AHR: variants seen among roughly 807,000 people sequenced by gnomAD.
AHR encodes the protein aryl hydrocarbon receptor.
Under a neutral mutation model 86.8 loss-of-function variants are expected in AHR, and 40 were observed. That is an observed-to-expected ratio of 0.46 (90% confidence interval 0.36 to 0.60). The LOEUF is 0.60. Among genes scored for constraint, AHR ranks in the 20% least tolerant of loss-of-function variants. The probability of loss-of-function intolerance (pLI) is 0.00; values close to 1 mark genes in which losing one functional copy is unlikely to be tolerated. For missense variants in AHR, 1,001 were observed against 1,011.6 expected (o/e 0.99, Z 0.14); for synonymous variants, 398 against 354.9 (o/e 1.12, Z -1.37).
At chr7:17,310,879 T>TA in intron 2 of AHR, among the ~76,000 whole-genome samples, 1 of 152,286 alleles carries the variant, frequency 6.6e-6, no homozygotes, top group South Asian at 2.1e-4. Context: ...CTGCAAGAAA[T>TA]ATAATTAAAA....
At chr7:17,301,317 T>C (rs1207844766) in intron 1 of AHR, among the ~76,000 whole-genome samples, 1 of 152,092 alleles carries the variant, frequency 6.6e-6, no homozygotes, top group Non-Finnish European at 1.5e-5. Context: ...TTAATCAAAG[T>C]TTATTTTAGA....
chr7:17,314,086 A>G (rs989803469), intron 2 of AHR, among the ~76,000 whole-genome samples: 1 of 152,088 alleles, frequency 6.6e-6, no homozygotes, highest in Non-Finnish European at 1.5e-5. Context: ...GTTTTTATAC[A>G]GCTGCCCCAA....
chr7:17,341,036 T>A (rs1429701894), intron 10 of AHR, among the ~76,000 whole-genome samples: 1 of 152,108 alleles, frequency 6.6e-6, no homozygotes, highest in Non-Finnish European at 1.5e-5. Context: ...CAGGAATACA[T>A]CATGTTTGCA....
At position 17,340,174 on chromosome 7, in the gene AHR, G is replaced by A; in HGVS notation, c.2349G>A (p.Val783=). 1 of 1,614,154 alleles carries A rather than the reference G, an allele frequency of 6.2e-7. No homozygotes were observed. Among genetic ancestry groups the A allele is most frequent in the Non-Finnish European group, 8.5e-7 (1 of 1,180,028 alleles). Residue 783 remains valine, a synonymous_variant, in exon 10 of 11, where the codon GTG becomes GTA. Coordinates refer to ENST00000242057, the MANE Select transcript of AHR (RefSeq NM_001621.5). The stretch of plus-strand genomic sequence containing the variant: ...AGCCAGAACCTCAGCACACCCACGT[G>A]GGTCAGATGCAGTACAATCCAGTAC... ...QCQPEPQHTH[V]GQMQYNPVLP...
At chr7:17,313,597 A>G (rs112667593) in intron 2 of AHR, among the ~76,000 whole-genome samples, 1 of 152,198 alleles carries the variant, frequency 6.6e-6, no homozygotes, top group Non-Finnish European at 1.5e-5. Flanking sequence ...AAGCAACACT[A>G]TAAAGTTTTA....
chr7:17,302,438 C>T (rs1584027662), intron 1 of AHR, among the ~76,000 whole-genome samples: 2 of 151,934 alleles, frequency 1.3e-5, no homozygotes, highest in African/African-American at 4.8e-5. Context: ...TTACATAATA[C>T]TCATTAAATG....
intron 9 of AHR, among the ~76,000 whole-genome samples, chr7:17,338,158 C>A (rs1782375404): frequency 6.8e-6 from 1 of 147,082 alleles, no homozygotes. Flanking sequence ...GAGATCGCGC[C>A]ACTGCACTCC....
chr7:17,339,190 C>T lies in AHR; in HGVS notation c.1365C>T (p.Ser455=). 6.2e-7 allele frequency: 1 copy of T among 1,614,170 alleles called. No individual in the cohort carries two copies. The highest frequency in any genetic ancestry group is 8.5e-7 in the Non-Finnish European group (1 of 1,180,026). Residue 455 remains serine (S), a synonymous_variant, in exon 10 of 11, where the codon TCC becomes TCT. Transcript: ENST00000242057. Reference sequence around the variant, plus strand: ...GCAAGGACTCTCTCAATCCTAGTTCCCTCCTGGCTGCCATGATGCAACAAG... The same window carrying T: ...GCAAGGACTCTCTCAATCCTAGTTCTCTCCTGGCTGCCATGATGCAACAAG... The part of the protein sequence containing the change: ...TLSKDSLNPS[S]LLAAMMQQDE...
chr7:17,339,847 C>T lies in AHR; in HGVS notation c.2022C>T (p.Val674=). ...AGCAAGACCCACAACAATATAATGT[C>T]TTTACAGACTTACATGGGATCAGTC... The part of the protein sequence containing the change: ...CPQQDPQQYN[V]FTDLHGISQE... Residue 674 remains valine, a synonymous_variant, in exon 10 of 11, where the codon GTC becomes GTT. Transcript: ENST00000242057. 6.2e-7 allele frequency: 1 copy of T among 1,614,208 alleles called. No individual in the cohort carries two copies. The highest frequency in any genetic ancestry group is 8.5e-7 in the Non-Finnish European group (1 of 1,180,020).
In AHR at chr7:17,343,232, A is replaced by G; in HGVS notation, c.*168A>G. 1 of 814,802 alleles carries G rather than the reference A, an allele frequency of 1.2e-6. No homozygotes were observed. The highest frequency in any genetic ancestry group is 2.0e-6 in the Non-Finnish European group (1 of 507,048). The allele number at this position is 814,802 out of a possible 1,614,324, so 50.5% of individuals were successfully genotyped here. On this transcript the variant is annotated 3_prime_UTR_variant, in exon 11 of 11. Coordinates refer to ENST00000242057, the MANE Select transcript of AHR (RefSeq NM_001621.5). ...TTTAATTTTTGCTTTTAGAAAAGGGAGTTTAAAAATGGTATCAAAATTACA... is the reference window on the plus strand; with the variant it reads ...TTTAATTTTTGCTTTTAGAAAAGGGGGTTTAAAAATGGTATCAAAATTACA...
chr7:17,335,766 T>C lies in AHR; in HGVS notation c.1140T>C (p.Ile380=). 6.2e-7 allele frequency: 1 copy of C among 1,613,022 alleles called. No individual in the cohort carries two copies. The highest frequency in any genetic ancestry group is 1.1e-5 in the South Asian group (1 of 90,876). Residue 380 remains isoleucine (I), a synonymous_variant, in exon 9 of 11, where the codon ATT becomes ATC. Coordinates refer to ENST00000242057, the MANE Select transcript of AHR (RefSeq NM_001621.5). ...LYKNGRPDYI[I]VTQRPLTDEE... ...AAAATGGAAGACCAGATTATATCATTGTAACTCAGAGACCACTAACGTAAG... is the reference window on the plus strand; with the variant it reads ...AAAATGGAAGACCAGATTATATCATCGTAACTCAGAGACCACTAACGTAAG...
chr7:17,344,515 CTT>C lies in AHR; in HGVS notation c.*1453_*1454del, dbSNP rs1375371231. On this transcript the variant is annotated 3_prime_UTR_variant, in exon 11 of 11. Transcript: ENST00000242057. Reference sequence around the variant, plus strand: ...ACCACATAGTTCGTTTACCTTCAAACTTTAGGTTTTTTTAATGATATACTGAT... The same window carrying C: ...ACCACATAGTTCGTTTACCTTCAAACTAGGTTTTTTTAATGATATACTGAT... 6.6e-6 allele frequency: 1 copy of C among 151,726 alleles called. No homozygotes were observed. The highest frequency in any genetic ancestry group is 6.6e-5 in the Admixed American group (1 of 15,152). The allele number at this position is 151,726 out of a possible 1,614,324, so 9.4% of individuals were successfully genotyped here.
chr7:17,302,404 A>T (rs573446990), intron 1 of AHR, among the ~76,000 whole-genome samples: 1 of 152,168 alleles, frequency 6.6e-6, no homozygotes, highest in African/African-American at 2.4e-5. Context: ...TGAATTTCAT[A>T]TATGTAATAC....
At chr7:17,329,794 T>C (rs1266247975) in intron 4 of AHR, 158 bp from the exon 5 acceptor site, 2 of 591,644 alleles carry the variant, frequency 3.4e-6, no homozygotes, top group Non-Finnish European at 5.4e-6. Flanking sequence ...TTTTCTACCT[T>C]AGGTTCTATC....
intron 2 of AHR, among the ~76,000 whole-genome samples, chr7:17,318,616 G>C (rs994710091): frequency 2.0e-5 from 3 of 152,006 alleles, no homozygotes; most frequent in African/African-American, 7.2e-5. Flanking sequence ...TGCCCATTAC[G>C]GTACAGCAGA....
chr7:17,337,774 C>T (rs1307301173), intron 9 of AHR, among the ~76,000 whole-genome samples: 3 of 151,590 alleles, frequency 2.0e-5, no homozygotes, highest in African/African-American at 7.3e-5. Flanking sequence ...CGCGCCCGGC[C>T]CTTTTTACGT....
intron 6 of AHR, among the ~76,000 whole-genome samples, chr7:17,332,300 AC>A (rs1398123919): frequency 6.6e-6 from 1 of 151,942 alleles, no homozygotes; most frequent in Non-Finnish European, 1.5e-5. Context: ...AATGTATTAT[AC>A]TTTTAATTAT....
intron 10 of AHR, among the ~76,000 whole-genome samples, chr7:17,342,185 T>C (rs992339489): frequency 6.6e-6 from 1 of 152,116 alleles, no homozygotes; most frequent in Non-Finnish European, 1.5e-5. Context: ...GTCCACTAAC[T>C]AAAATATAAA....
intron 1 of AHR, 79 bp downstream of exon 1, chr7:17,299,408 C>T: frequency 6.7e-7 from 1 of 1,500,186 alleles, no homozygotes. Flanking sequence ...CCACCCCGCC[C>T]CCAAATCCCT....
Sources: allele counts gnomAD v4.1 joint callset (sites outside exome capture counted in the v4.1 genomes callset), GRCh38; gene constraint gnomAD v4.1.1; transcripts MANE v1.5; gene names NCBI Gene and HGNC (gene_info 2026-07-23, HGNC 2026-07-21).